Variants in ADAM12 observed in about 807,000 individuals in gnomAD.
ADAM12 encodes the protein disintegrin and metalloproteinase domain-containing protein 12.
Under a neutral mutation model 106.4 loss-of-function variants are expected in ADAM12, and 70 were observed. The observed-to-expected ratio is 0.66, with a 90% CI of 0.54 to 0.80. ADAM12 has a LOEUF of 0.80. ADAM12 is among the 30% of genes least tolerant of loss of function. The pLI, the probability that ADAM12 is intolerant of heterozygous loss-of-function variation, is 0.00. For synonymous variants in ADAM12, 420 were observed against 433.5 expected (o/e 0.97, Z 0.39); for missense variants, 1,010 against 1,171.9 (o/e 0.86, Z 2.02).
intron 3 of ADAM12, among the ~76,000 whole-genome samples, chr10:126,158,671 C>CA (rs1956872525): frequency 8.3e-6 from 1 of 120,330 alleles, no homozygotes; most frequent in African/African-American, 3.3e-5. Context: ...GCACAGAGCA[C>CA]GGGGAGAGGA....
chr10:126,368,396 C>A (rs2133915799), intron 1 of ADAM12, among the ~76,000 whole-genome samples: 1 of 143,476 alleles, frequency 7.0e-6, no homozygotes, highest in Admixed American at 7.0e-5. Flanking sequence ...TGAAGTCAAA[C>A]CACCAAAAGA....
rs187514694 is a variant in ADAM12, at chr10:126,238,234, C to T, written c.260+40681G>A. 4.7e-3 allele frequency among the ~76,000 whole-genome samples: 710 copies of T among 152,330 alleles called. 8 individuals carry two copies. Among genetic ancestry groups the T allele is most frequent in the African/African-American group, 0.016 (685 of 41,570 alleles). The stretch of plus-strand genomic sequence containing the variant: ...GTGGCTCACGCCTGTAATCTCACCA[C>T]ATTGTGAGGCCAAGGCAGGTGGATC... On this transcript the variant is annotated intron_variant, in intron 3 of 22. Transcript: ENST00000448723.
At chr10:126,276,123 A>G (rs1325456610) in intron 3 of ADAM12, among the ~76,000 whole-genome samples, 3 of 152,172 alleles carry the variant, frequency 2.0e-5, no homozygotes, top group African/African-American at 4.8e-5. Context: ...TCAGTCTCCT[A>G]TTGATGTACT....
intron 11 of ADAM12, among the ~76,000 whole-genome samples, chr10:126,079,387 C>T (rs890635428): frequency 1.3e-5 from 2 of 152,034 alleles, no homozygotes; most frequent in Non-Finnish European, 1.5e-5. Flanking sequence ...CTCTACAGAT[C>T]GCCTGTTCTG....
chr10:126,158,802 A>G (rs1956877210), intron 3 of ADAM12, among the ~76,000 whole-genome samples: 1 of 142,474 alleles, frequency 7.0e-6, no homozygotes, highest in African/African-American at 2.7e-5. Context: ...GGATGCACAC[A>G]GCACGGTGGG....
At chr10:126,368,349 GTGATT>G (rs1292525177) in intron 1 of ADAM12, among the ~76,000 whole-genome samples, 1 of 132,126 alleles carries the variant, frequency 7.6e-6, no homozygotes, top group Non-Finnish European at 1.6e-5. Flanking sequence ...CTTAGATTGT[GTGATT>G]TGTTTTTTTT....
At chr10:126,153,562 A>AT (rs535173416) in intron 4 of ADAM12, among the ~76,000 whole-genome samples, 5 of 151,334 alleles carry the variant, frequency 3.3e-5, no homozygotes, top group African/African-American at 4.9e-5. Flanking sequence ...GTTCTCTTTA[A>AT]TTTTTTTTCT....
At chr10:126,075,681 C>G (rs562567493) in intron 11 of ADAM12, among the ~76,000 whole-genome samples, 1 of 152,162 alleles carries the variant, frequency 6.6e-6, no homozygotes, top group Non-Finnish European at 1.5e-5. Flanking sequence ...GAGTGCACCT[C>G]GGGAAAGAGC....
chr10:126,102,965 G>A (rs1166261841), intron 8 of ADAM12, among the ~76,000 whole-genome samples: 2 of 152,200 alleles, frequency 1.3e-5, no homozygotes, highest in African/African-American at 2.4e-5. Flanking sequence ...GCTCACACCA[G>A]CTTGCTAAGA....
intron 1 of ADAM12, among the ~76,000 whole-genome samples, chr10:126,362,592 C>T (rs1590826566): frequency 6.6e-6 from 1 of 151,846 alleles, no homozygotes; most frequent in Non-Finnish European, 1.5e-5. Flanking sequence ...AGTATATATA[C>T]AAATGGAATA....
intron 3 of ADAM12, among the ~76,000 whole-genome samples, chr10:126,228,524 T>C (rs1958244594): frequency 6.6e-6 from 1 of 152,210 alleles, no homozygotes. Context: ...TTGAAATACT[T>C]AAATAGAAAA....
chr10:126,185,115 TG>T (rs1223920421), intron 3 of ADAM12, among the ~76,000 whole-genome samples: 2 of 152,250 alleles, frequency 1.3e-5, no homozygotes, highest in Non-Finnish European at 2.9e-5. Context: ...GTCTGGATTT[TG>T]TAGCACAAAG....
chr10:126,276,666 T>C (rs770574005), intron 3 of ADAM12, among the ~76,000 whole-genome samples: 6 of 152,208 alleles, frequency 3.9e-5, no homozygotes, highest in Non-Finnish European at 5.9e-5. Flanking sequence ...ATTAAAATTA[T>C]AGCATATCAT....
At chr10:126,054,492 G>C (rs941329392) in intron 14 of ADAM12, among the ~76,000 whole-genome samples, 3 of 152,224 alleles carry the variant, frequency 2.0e-5, no homozygotes, top group African/African-American at 7.2e-5. Flanking sequence ...ACTTTCAGGG[G>C]GAAGCCTTGT....
At position 126,098,615 on chromosome 10, in the gene ADAM12, G is replaced by A. The variant is rs114287462; in HGVS notation, c.912-115C>T. On this transcript the variant is annotated intron_variant, in intron 9 of 22. Coordinates refer to ENST00000448723, the MANE Select transcript of ADAM12 (RefSeq NM_001288973.2). ...AAAATACGCAAAAATAAAAATAGCTGTATGAGGGTATATTCACATGTGATT... is the reference window on the plus strand; with the variant it reads ...AAAATACGCAAAAATAAAAATAGCTATATGAGGGTATATTCACATGTGATT... 3.5e-3 allele frequency: 2,873 copies of A among 828,224 alleles called. 59 individuals are homozygous for A. The African/African-American group carries it at 0.043, about 12-fold the overall frequency. The allele number at this position is 828,224 out of a possible 1,614,324, so 51.3% of individuals were successfully genotyped here. A position where few individuals can be genotyped will look rare whatever the true frequency, so the allele number is the denominator to read the frequency against.
Position 126,053,249 on chromosome 10 carries a change from C to A in ADAM12, c.1610-3580G>T, listed in dbSNP as rs1275430491. Among the ~76,000 whole-genome samples, 1 of 152,094 alleles carries A rather than the reference C, an allele frequency of 6.6e-6. No homozygotes were observed. Among genetic ancestry groups the A allele is most frequent in the Non-Finnish European group, 1.5e-5 (1 of 68,012 alleles). On this transcript the variant is annotated intron_variant, in intron 14 of 22. Transcript: ENST00000448723. This position sits in a 1 kb window ranked among gnomAD's most constrained non-coding sequence, Gnocchi z 4.6. Reference sequence around the variant, plus strand: ...CCTGTAAAGCCTGCAGAACCAAGAACCAATTAAACCTTTTTTCTTTATAAA... The same window carrying A: ...CCTGTAAAGCCTGCAGAACCAAGAAACAATTAAACCTTTTTTCTTTATAAA...
At chr10:126,176,377 T>C (rs1227983401) in intron 3 of ADAM12, among the ~76,000 whole-genome samples, 1 of 152,212 alleles carries the variant, frequency 6.6e-6, no homozygotes, top group Non-Finnish European at 1.5e-5. Flanking sequence ...GGATGCGTTA[T>C]CATGAGGCCT....
At position 126,154,776 on chromosome 10, in the gene ADAM12, C is replaced by T. The variant is rs574861141; in HGVS notation, c.339+451G>A. ...GGGGATAAATGTCATGTTACAGTAA[C>T]ACCCACGATATAGAATCGTATCCAC... On this transcript the variant is annotated intron_variant, in intron 4 of 22. Coordinates refer to ENST00000448723, the MANE Select transcript of ADAM12 (RefSeq NM_001288973.2). Among the ~76,000 whole-genome samples the T allele has an allele frequency of 1.1e-4, 16 of 152,310 alleles. No homozygotes were observed. In the South Asian group the frequency reaches 3.3e-3, roughly 32 times the overall value.
In ADAM12 at chr10:126,066,099, T is replaced by A. The variant is rs1158963016; in HGVS notation, c.1413+618A>T. ...TTAAAATGAAATAAAACTCTACCCT[T>A]GGAACTGTTGAATCAAAAGCTCAGG... is the stretch of plus-strand genomic sequence containing the variant. On this transcript the variant is annotated intron_variant, in intron 13 of 22. Coordinates refer to ENST00000448723, the MANE Select transcript of ADAM12 (RefSeq NM_001288973.2). The surrounding 1 kb of genome is among the most constrained non-coding windows in gnomAD (Gnocchi z 5.1). Among the ~76,000 whole-genome samples, 1 of 152,192 alleles carries A rather than the reference T, an allele frequency of 6.6e-6. No individual in the cohort carries two copies. Among genetic ancestry groups the A allele is most frequent in the Non-Finnish European group, 1.5e-5 (1 of 68,024 alleles).
Sources: gnomAD v4.1 joint callset for allele counts (sites outside exome capture counted in the v4.1 genomes callset) on GRCh38, gnomAD v4.1.1 for gene constraint, Gnocchi (gnomAD v3.1) non-coding constraint, MANE v1.5 for transcripts, NCBI Gene and HGNC (gene_info 2026-07-23, HGNC 2026-07-21) for gene names.